KDM4C: variants seen among roughly 807,000 people sequenced by gnomAD.
KDM4C encodes the protein lysine demethylase 4C.
A neutral mutation model predicts 129.3 loss-of-function variants in KDM4C; 81 were observed. The ratio of observed to expected loss-of-function variants is 0.63; its 90% CI spans 0.52 to 0.75. The LOEUF is 0.75. Among genes scored for constraint, KDM4C ranks in the 30% least tolerant of loss-of-function variants. KDM4C has a pLI of 0.00. For synonymous variants in KDM4C, 573 were observed against 456.1 expected, an observed-to-expected ratio of 1.26 and a Z score of -3.26; for missense variants, 1,457 against 1,304.0, an observed-to-expected ratio of 1.12 and a Z score of -1.81.
chr9:7,164,200 A>C (rs1184493932), intron 19 of KDM4C, among the ~76,000 whole-genome samples: 1 of 152,232 alleles, frequency 6.6e-6, no homozygotes, highest in East Asian at 1.9e-4. Context: ...AAATGTGCAA[A>C]AATAAAAATT....
chr9:7,115,742 A>G (rs1456844006), intron 18 of KDM4C, among the ~76,000 whole-genome samples: 4 of 152,248 alleles, frequency 2.6e-5, no homozygotes, highest in African/African-American at 4.8e-5. Context: ...CAAATATGAT[A>G]CACAAAAGTC....
At chr9:6,944,003 C>G (rs1346256952) in intron 8 of KDM4C, among the ~76,000 whole-genome samples, 3 of 152,190 alleles carry the variant, frequency 2.0e-5, no homozygotes. Flanking sequence ...TCATGTCGGG[C>G]CTATTTAAAT....
chr9:7,062,710 A>G lies in KDM4C; in HGVS notation c.2424+13510A>G, dbSNP rs571161204. Among the ~76,000 whole-genome samples, 6 of 151,908 alleles carry G rather than the reference A, an allele frequency of 3.9e-5. No individual in the cohort carries two copies. The South Asian group carries it at 1.3e-3, about 32-fold the overall frequency. Reference sequence around the variant, plus strand: ...CCTTTTTTTTTTCCCCACCATTTGAACTTACAGAATTATTCCCTTTACTGT... The same window carrying G: ...CCTTTTTTTTTTCCCCACCATTTGAGCTTACAGAATTATTCCCTTTACTGT... On this transcript the variant is annotated intron_variant, in intron 17 of 21. Transcript: ENST00000381309.
At chr9:7,139,235 G>T (rs147746943) in intron 19 of KDM4C, among the ~76,000 whole-genome samples, 2 of 152,106 alleles carry the variant, frequency 1.3e-5, no homozygotes, top group Non-Finnish European at 2.9e-5. Context: ...AGATTCTGCC[G>T]CTGCTCTCCA....
At chr9:7,156,615 T>G (rs979710829) in intron 19 of KDM4C, among the ~76,000 whole-genome samples, 4 of 152,234 alleles carry the variant, frequency 2.6e-5, no homozygotes, top group African/African-American at 4.8e-5. Flanking sequence ...AGGGAATCCT[T>G]TCCCCATTTC....
intron 1 of KDM4C, among the ~76,000 whole-genome samples, chr9:6,751,572 C>T (rs1429210419): frequency 4.6e-5 from 7 of 152,136 alleles, no homozygotes; most frequent in Non-Finnish European, 1.0e-4. Flanking sequence ...CTACATTTTA[C>T]AATTTATCAC....
At chr9:6,883,388 A>C (rs1844771244) in intron 6 of KDM4C, among the ~76,000 whole-genome samples, 1 of 152,242 alleles carries the variant, frequency 6.6e-6, no homozygotes, top group African/African-American at 2.4e-5. Flanking sequence ...CTCATGCCTT[A>C]GGCATGGAGA....
chr9:6,804,124 T>C (rs1829526746), intron 2 of KDM4C, among the ~76,000 whole-genome samples: 1 of 152,212 alleles, frequency 6.6e-6, no homozygotes. Context: ...CGGCTGGCTG[T>C]TACCTTCTAC....
intron 12 of KDM4C, among the ~76,000 whole-genome samples, chr9:7,008,214 G>T (rs765936033): frequency 6.6e-6 from 1 of 152,134 alleles, no homozygotes; most frequent in African/African-American, 2.4e-5. Flanking sequence ...TCTAAGGTCC[G>T]TTGCAGTGAA....
At chr9:6,815,913 C>G (rs1416823523) in intron 4 of KDM4C, among the ~76,000 whole-genome samples, 1 of 152,132 alleles carries the variant, frequency 6.6e-6, no homozygotes, top group East Asian at 1.9e-4. Flanking sequence ...GTCTTTCTGT[C>G]TTTGATGTAT....
At chr9:6,807,890 G>A (rs1588417238) in intron 3 of KDM4C, among the ~76,000 whole-genome samples, 1 of 144,918 alleles carries the variant, frequency 6.9e-6, no homozygotes, top group African/African-American at 2.6e-5. Flanking sequence ...CGGGAGGGAG[G>A]TGGGGGTGTC....
intron 8 of KDM4C, among the ~76,000 whole-genome samples, chr9:6,940,126 C>CT (rs1450804226): frequency 2.0e-5 from 3 of 151,808 alleles, no homozygotes; most frequent in Non-Finnish European, 4.4e-5. Context: ...GGGTCCCACT[C>CT]TGTCACCCAG....
At chr9:6,928,578 A>G (rs368726303) in intron 8 of KDM4C, among the ~76,000 whole-genome samples, 2 of 150,868 alleles carry the variant, frequency 1.3e-5, no homozygotes, top group African/African-American at 2.5e-5. Context: ...ATCCTGGACT[A>G]TAGTATATCA....
intron 4 of KDM4C, chr9:6,834,944 C>A: frequency 9.2e-7 from 1 of 1,090,044 alleles, no homozygotes. Context: ...CCACAGTGTG[C>A]CCATCTGCGA....
chr9:7,033,688 AAAG>A (rs1351843348), intron 15 of KDM4C, among the ~76,000 whole-genome samples: 1 of 152,232 alleles, frequency 6.6e-6, no homozygotes, highest in Non-Finnish European at 1.5e-5. Context: ...AGAGAAATAA[AAAG>A]AAGTTTAGAT....
intron 17 of KDM4C, among the ~76,000 whole-genome samples, chr9:7,089,588 G>A (rs758332105): frequency 1.3e-5 from 2 of 152,148 alleles, no homozygotes; most frequent in Non-Finnish European, 2.9e-5. Flanking sequence ...ACTCTTGTGA[G>A]GTATAATATG....
chr9:6,840,424 TCTCA>T (rs1193035701), intron 4 of KDM4C, among the ~76,000 whole-genome samples: 5 of 151,462 alleles, frequency 3.3e-5, no homozygotes, highest in African/African-American at 1.2e-4. Flanking sequence ...TGAGACAGAG[TCTCA>T]CTCTGTCGCC....
intron 1 of KDM4C, among the ~76,000 whole-genome samples, chr9:6,777,003 C>T (rs1823217431): frequency 6.6e-6 from 1 of 152,050 alleles, no homozygotes; most frequent in Non-Finnish European, 1.5e-5. Context: ...TGAGTTTGAC[C>T]CTTAAGTTTT....
At chr9:7,118,730 G>A (rs28615993) in intron 18 of KDM4C, among the ~76,000 whole-genome samples, 2,005 of 152,276 alleles carry the variant, frequency 0.013, 37 homozygotes, top group African/African-American at 0.046. Flanking sequence ...CAGCCTTGCT[G>A]GTGCTGTGGG....
Sources: gnomAD v4.1 joint callset for allele counts (sites outside exome capture counted in the v4.1 genomes callset) on GRCh38, gnomAD v4.1.1 for gene constraint, MANE v1.5 for transcripts, NCBI Gene and HGNC (gene_info 2026-07-23, HGNC 2026-07-21) for gene names.